The following RPTOR variants were observed in gnomAD, a reference collection of about 807,000 sequenced individuals.
RPTOR encodes regulatory-associated protein of mTOR.
RPTOR carries 21 observed loss-of-function variants against 169.9 expected under a neutral mutation model. The observed-to-expected ratio is 0.12, with a 90% confidence interval of 0.09 to 0.18. The LOEUF (loss-of-function observed/expected upper bound fraction) is 0.18, where lower values mean the gene tolerates loss of function less well. Among genes scored for constraint, RPTOR ranks in the 10% least tolerant of loss-of-function variants. The probability of loss-of-function intolerance (pLI) is 1.00; values close to 1 mark genes in which losing one functional copy is unlikely to be tolerated. For synonymous variants in RPTOR, 732 were observed against 753.2 expected (o/e 0.97, Z 0.46); for missense variants, 1,133 against 1,855.9 (o/e 0.61, Z 7.16).
At chr17:80,628,879 T>C (rs1218157702) in intron 2 of RPTOR, among the ~76,000 whole-genome samples, 1 of 152,268 alleles carries the variant, frequency 6.6e-6, no homozygotes, top group Non-Finnish European at 1.5e-5. Context: ...ATTTATTGTT[T>C]GTTTTCTCTC....
intron 10 of RPTOR, among the ~76,000 whole-genome samples, chr17:80,840,233 A>G (rs547661334): frequency 2.8e-4 from 42 of 152,196 alleles, no homozygotes; most frequent in African/African-American, 9.9e-4. Flanking sequence ...CGCAGGGTGT[A>G]GTCTTTGTGC....
At chr17:80,691,567 C>A (rs1017279138) in intron 3 of RPTOR, among the ~76,000 whole-genome samples, 1 of 152,208 alleles carries the variant, frequency 6.6e-6, no homozygotes, top group Non-Finnish European at 1.5e-5. Context: ...GTCGTTCCAT[C>A]TTTGTGTTGG....
intron 1 of RPTOR, among the ~76,000 whole-genome samples, chr17:80,614,339 T>C (rs976613552): frequency 2.3e-4 from 35 of 152,336 alleles, no homozygotes; most frequent in Admixed American, 5.2e-4. Flanking sequence ...ATGCCATTTT[T>C]GAAATTTATT....
intron 3 of RPTOR, among the ~76,000 whole-genome samples, chr17:80,696,291 TG>T (rs2066035680): frequency 1.3e-5 from 2 of 152,198 alleles, no homozygotes; most frequent in African/African-American, 2.4e-5. Flanking sequence ...TATGAAATAT[TG>T]AAAACATTTA....
rs1179519475 is a variant in RPTOR, at chr17:80,965,770, CTG to C, written c.*1441_*1442del. The C allele has an allele frequency of 1.7e-5, 4 of 233,314 alleles. No homozygotes were observed. In the Admixed American group the frequency reaches 2.2e-4, roughly 13 times the overall value. The allele number at this position is 233,314 out of a possible 1,614,324, so 14.5% of individuals were successfully genotyped here. On this transcript the variant is annotated 3_prime_UTR_variant, in exon 34 of 34. Coordinates refer to ENST00000306801, the MANE Select transcript of RPTOR (RefSeq NM_020761.3). ...GGCCCTCAGGGGGCTGAGCTGGAGA[CTG>C]AGCTGGGGCTGGCCGGGACGTGACA...
chr17:80,672,939 T>C (rs1232778594), intron 3 of RPTOR, among the ~76,000 whole-genome samples: 1 of 152,144 alleles, frequency 6.6e-6, no homozygotes, highest in Non-Finnish European at 1.5e-5. Context: ...CATTATTTTA[T>C]TTTTTGAGAC....
chr17:80,883,396 C>G, intron 14 of RPTOR, 23 bp from the exon 15 acceptor site: 1 of 1,612,998 alleles, frequency 6.2e-7, no homozygotes, highest in Non-Finnish European at 8.5e-7. Context: ...GGGAGACGAC[C>G]AGGACTGGTT....
intron 5 of RPTOR, among the ~76,000 whole-genome samples, chr17:80,732,504 T>C (rs1283869221): frequency 6.6e-6 from 1 of 152,034 alleles, no homozygotes; most frequent in Non-Finnish European, 1.5e-5. Context: ...GCATCTTTTT[T>C]AGGAAAAAAA....
At chr17:80,963,116 C>A in intron 33 of RPTOR, 59 bp downstream of exon 33, 1 of 1,360,006 alleles carries the variant, frequency 7.4e-7, no homozygotes. Context: ...GGATGGGAGG[C>A]AAGGGGACAA....
intron 20 of RPTOR, among the ~76,000 whole-genome samples, chr17:80,903,226 C>T (rs751304294): frequency 2.6e-5 from 4 of 152,230 alleles, no homozygotes; most frequent in East Asian, 3.8e-4. Context: ...CCCTGGCCAG[C>T]GGCAGAGCCA....
At chr17:80,939,658 T>C (rs1195390160) in intron 24 of RPTOR, among the ~76,000 whole-genome samples, 2 of 152,202 alleles carry the variant, frequency 1.3e-5, no homozygotes, top group Non-Finnish European at 2.9e-5. Flanking sequence ...GGGCCCGGCC[T>C]GGCCTCTCAT....
At chr17:80,930,184 CCCCAG>C (rs2068861996) in intron 24 of RPTOR, among the ~76,000 whole-genome samples, 4 of 97,530 alleles carry the variant, frequency 4.1e-5, no homozygotes, top group Admixed American at 2.2e-4. Context: ...CCCAGCTCAT[CCCCAG>C]CTCATGCCCA....
At chr17:80,837,727 G>A (rs750145484) in intron 9 of RPTOR, among the ~76,000 whole-genome samples, 195 bp from the exon 10 acceptor site, 1 of 152,200 alleles carries the variant, frequency 6.6e-6, no homozygotes, top group Non-Finnish European at 1.5e-5. Context: ...CTCTCTCCTG[G>A]CCTCCCCTCG....
Position 80,964,479 on chromosome 17 carries a change from T to C in RPTOR, c.*149T>C, listed in dbSNP as rs2069399368. 1 of 730,936 alleles carries C rather than the reference T, an allele frequency of 1.4e-6. No individual in the cohort carries two copies. The highest frequency in any genetic ancestry group is 2.3e-6 in the Non-Finnish European group (1 of 431,300). The allele number at this position is 730,936 out of a possible 1,614,324, so 45.3% of individuals were successfully genotyped here. A position where few individuals can be genotyped will look rare whatever the true frequency, so the allele number is the denominator to read the frequency against. On this transcript the variant is annotated 3_prime_UTR_variant, in exon 34 of 34. Coordinates refer to ENST00000306801, the MANE Select transcript of RPTOR (RefSeq NM_020761.3). ...GCTGATGACGGCAGGAGGGCCCTGC[T>C]ACTCGCTTTTGTCTGTCTTCGCTGT...
chr17:80,739,397 A>C (rs1242405915), intron 5 of RPTOR, among the ~76,000 whole-genome samples: 1 of 151,972 alleles, frequency 6.6e-6, no homozygotes, highest in African/African-American at 2.4e-5. Context: ...AAGGGCAGGA[A>C]ACAGGCATAG....
chr17:80,794,600 A>G (rs2067082397), intron 7 of RPTOR, among the ~76,000 whole-genome samples: 1 of 152,116 alleles, frequency 6.6e-6, no homozygotes, highest in Non-Finnish European at 1.5e-5. Context: ...ATCACACAAA[A>G]ACCTGTGCGT....
intron 26 of RPTOR, among the ~76,000 whole-genome samples, chr17:80,946,193 G>A (rs1026570157): frequency 2.0e-5 from 3 of 152,146 alleles, no homozygotes; most frequent in Non-Finnish European, 2.9e-5. Flanking sequence ...AGCAAATATC[G>A]CCCTTAGAGA....
intron 1 of RPTOR, among the ~76,000 whole-genome samples, chr17:80,590,093 T>A (rs2065092303): frequency 1.3e-5 from 2 of 152,294 alleles, no homozygotes; most frequent in South Asian, 4.1e-4. Flanking sequence ...AATGAGTGGT[T>A]ATTGAATTTT....
intron 7 of RPTOR, among the ~76,000 whole-genome samples, chr17:80,806,478 A>G (rs1310448298): frequency 2.6e-5 from 4 of 152,148 alleles, no homozygotes; most frequent in Non-Finnish European, 5.9e-5. Context: ...ACCTGTGAAT[A>G]TGTATCTTTA....
Sources: allele counts gnomAD v4.1 joint callset (sites outside exome capture counted in the v4.1 genomes callset), GRCh38; gene constraint gnomAD v4.1.1; transcripts MANE v1.5; gene names NCBI Gene and HGNC (gene_info 2026-07-23, HGNC 2026-07-21).